Variants in SYTL2 observed in about 807,000 individuals in gnomAD.
SYTL2 encodes synaptotagmin like 2.
In SYTL2, 165 loss-of-function variants were observed where a neutral mutation model predicts 198.7. That is an observed-to-expected ratio of 0.83 (90% CI 0.73 to 0.94). The LOEUF (loss-of-function observed/expected upper bound fraction) is 0.94. SYTL2 is among the 40% of genes least tolerant of loss of function. The pLI, the probability that SYTL2 is intolerant of heterozygous loss-of-function variation, is 0.00. For missense variants in SYTL2, 2,835 were observed against 2,582.8 expected, an observed-to-expected ratio of 1.10 and a Z score of -2.12; for synonymous variants, 966 against 917.7, an observed-to-expected ratio of 1.05 and a Z score of -0.95.
chr11:85,778,065 C>T (rs1160618214), intron 1 of SYTL2, among the ~76,000 whole-genome samples: 4 of 151,960 alleles, frequency 2.6e-5, no homozygotes, highest in African/African-American at 7.3e-5. Context: ...GTGATCTGCC[C>T]GCCTCGGCCT....
the SYTL2 span, among the ~76,000 whole-genome samples, chr11:85,840,235 G>A: frequency 1.8e-4 from 28 of 152,060 alleles, no homozygotes; most frequent in Admixed American, 1.8e-3. Flanking sequence ...CCATATTGTA[G>A]ATTATCTCTT....
chr11:85,842,903 G>A, the SYTL2 span, among the ~76,000 whole-genome samples: 1 of 152,230 alleles, frequency 6.6e-6, no homozygotes, highest in East Asian at 1.9e-4. Flanking sequence ...GCCTACCATA[G>A]TGCCTAGCTC....
Position 85,726,112 on chromosome 11 carries a change from T to C in SYTL2, c.3246A>G (p.Pro1082=). Reference sequence around the variant, plus strand: ...CATTTTCCTTTGATGACTCATTTCCTGGCAACTGATAAGTATACTTTCTAA... The same window carrying C: ...CATTTTCCTTTGATGACTCATTTCCCGGCAACTGATAAGTATACTTTCTAA... The part of the protein sequence containing the change: ...SPLRKYTYQL[P]GNESSKENVE... The change falls in exon 8 of 20, where the codon CCA becomes CCG. Residue 1082 remains proline (P), a synonymous_variant. Transcript: ENST00000359152. 6.2e-7 allele frequency: 1 copy of C among 1,614,100 alleles called. No individual in the cohort carries two copies. Among genetic ancestry groups the C allele is most frequent in the South Asian group, 1.1e-5 (1 of 91,052 alleles).
chr11:85,695,104 A>C lies in SYTL2; in HGVS notation c.*91T>G. ...GTATTCCTTAGGTGCAATAGATAGA[A>C]AGTGAGGATATTTGTCCACCTACTC... On this transcript the variant is annotated 3_prime_UTR_variant, in exon 20 of 20. Transcript: ENST00000359152. The C allele has an allele frequency of 7.4e-7, 1 of 1,359,434 alleles. No individual in the cohort carries two copies. The allele number at this position is 1,359,434 out of a possible 1,614,324, so 84.2% of individuals were successfully genotyped here. A position where few individuals can be genotyped will look rare whatever the true frequency, so the allele number is the denominator to read the frequency against.
At chr11:85,772,957 G>A (rs2092384716) in intron 1 of SYTL2, among the ~76,000 whole-genome samples, 1 of 152,174 alleles carries the variant, frequency 6.6e-6, no homozygotes, top group Admixed American at 6.5e-5. Flanking sequence ...AAACCATGCA[G>A]TCCCCATGAT....
At chr11:85,815,366 G>A (rs1457993802), upstream of SYTL2, among the ~76,000 whole-genome samples, 1 of 152,164 alleles carries the variant, frequency 6.6e-6, no homozygotes, top group Non-Finnish European at 1.5e-5. Context: ...CGTATCAAAT[G>A]TACAGCATTT....
chr11:85,845,139 G>C, the SYTL2 span, among the ~76,000 whole-genome samples: 1 of 152,128 alleles, frequency 6.6e-6, no homozygotes, highest in Non-Finnish European at 1.5e-5. Context: ...AATTTTCCCT[G>C]ACTCTCAAGA....
At chr11:85,733,603 T>TTTTA (rs2090043221) in intron 7 of SYTL2, 2 of 137,830 alleles carry the variant, frequency 1.5e-5, no homozygotes, top group Admixed American at 7.4e-5. Context: ...TGTTTTTTTT[T>TTTTA]TTTTTTTGAG....
chr11:85,729,858 A>G (rs1373583476), intron 7 of SYTL2, among the ~76,000 whole-genome samples: 1 of 152,234 alleles, frequency 6.6e-6, no homozygotes, highest in African/African-American at 2.4e-5. Context: ...AGCCAGACTA[A>G]TAAGAAAAGA....
intron 2 of SYTL2, among the ~76,000 whole-genome samples, chr11:85,756,924 C>T (rs966776353): frequency 6.6e-6 from 1 of 152,198 alleles, no homozygotes; most frequent in South Asian, 2.1e-4. Flanking sequence ...GGAAGCCTGT[C>T]GCTGCCTTCA....
chr11:85,807,230 G>A (rs140577471), intron 1 of SYTL2, among the ~76,000 whole-genome samples: 242 of 152,322 alleles, frequency 1.6e-3, no homozygotes, highest in African/African-American at 5.5e-3. Context: ...TCAGGATTGT[G>A]ATGAGGATCA....
intron 7 of SYTL2, among the ~76,000 whole-genome samples, chr11:85,732,504 C>T (rs1700549611): frequency 6.6e-6 from 1 of 152,052 alleles, no homozygotes; most frequent in South Asian, 2.1e-4. Flanking sequence ...AGAAAACCAA[C>T]CACCGCATGT....
chr11:85,717,447 T>C lies in SYTL2; in HGVS notation c.5530+36A>G, dbSNP rs148320714. 3.9e-3 allele frequency: 6,104 copies of C among 1,567,716 alleles called. 20 individuals are homozygous for C. The highest frequency in any genetic ancestry group is 4.8e-3 in the Non-Finnish European group (5,423 of 1,138,486). On this transcript the variant is annotated intron_variant, in intron 11 of 19. Transcript: ENST00000359152. Reference sequence around the variant, plus strand: ...AGTATATTTAATATGTAAAGTGGAATGTTTAGTCATTTGTGAGAAAGATCC... The same window carrying C: ...AGTATATTTAATATGTAAAGTGGAACGTTTAGTCATTTGTGAGAAAGATCC...
chr11:85,794,442 G>C (rs561641286), intron 1 of SYTL2, among the ~76,000 whole-genome samples: 1 of 152,184 alleles, frequency 6.6e-6, no homozygotes, highest in Admixed American at 6.5e-5. Flanking sequence ...GCCTCCCAAA[G>C]TGCTGGGATT....
At position 85,745,773 on chromosome 11, in the gene SYTL2, C is replaced by A. The variant is rs759712740; in HGVS notation, c.254-1G>T. On this transcript the variant is annotated splice_acceptor_variant, in intron 3 of 19. Transcript: ENST00000359152. LOFTEE classifies it high-confidence loss of function. ...TTTTCTCTGTCTTTACTCTGCTCAG[C>A]TGAAACAGGAAACAGTAAAGACAGG... The A allele has an allele frequency of 3.1e-6, 5 of 1,608,660 alleles. No homozygotes were observed.
upstream of SYTL2, among the ~76,000 whole-genome samples, chr11:85,815,143 A>G (rs1463251172): frequency 6.6e-6 from 1 of 152,246 alleles, no homozygotes; most frequent in East Asian, 1.9e-4. Context: ...GATAAGTTGC[A>G]TTGACAAACA....
the SYTL2 span, among the ~76,000 whole-genome samples, chr11:85,821,437 G>A: frequency 1.3e-5 from 2 of 152,206 alleles, no homozygotes; most frequent in African/African-American, 4.8e-5. Flanking sequence ...GACAACTGGA[G>A]GTGAAGGCAC....
chr11:85,785,677 G>A (rs557617266), intron 1 of SYTL2, among the ~76,000 whole-genome samples: 13 of 152,224 alleles, frequency 8.5e-5, no homozygotes, highest in East Asian at 1.9e-4. Context: ...ATCAGAGTCC[G>A]CAGGAGCTTA....
At chr11:85,815,810 C>T (rs1410003175), upstream of SYTL2, among the ~76,000 whole-genome samples, 1 of 152,174 alleles carries the variant, frequency 6.6e-6, no homozygotes, top group African/African-American at 2.4e-5. Context: ...GAGCAACAAT[C>T]TCATATATTA....
Sources: allele counts gnomAD v4.1 joint callset (sites outside exome capture counted in the v4.1 genomes callset), GRCh38; gene constraint gnomAD v4.1.1; transcripts MANE v1.5; gene names NCBI Gene and HGNC (gene_info 2026-07-23, HGNC 2026-07-21).